HIVEP1: variants seen among roughly 807,000 people sequenced by gnomAD.
HIVEP1 encodes the protein zinc finger protein 40.
In HIVEP1, 36 loss-of-function variants were observed where a neutral mutation model predicts 180.0. That is an observed-to-expected ratio of 0.20 (90% CI 0.15 to 0.26). The LOEUF (loss-of-function observed/expected upper bound fraction) is 0.26. HIVEP1 is among the 10% of genes least tolerant of loss of function. The pLI is 1.00. For missense variants in HIVEP1, 3,143 were observed against 3,268.7 expected (o/e 0.96, Z 0.94); for synonymous variants, 1,239 against 1,239.0 (o/e 1.00, Z 0.00).
chr6:12,079,979 T>TCTATCTATCTATCTA (rs74285815), intron 2 of HIVEP1, among the ~76,000 whole-genome samples: 1 of 151,600 alleles, frequency 6.6e-6, no homozygotes, highest in Non-Finnish European at 1.5e-5. Context: ...TATCTATCTA[T>TCTATCTATCTATCTA]ATCTGGTCTT....
At chr6:12,045,005 T>C (rs1292194799) in intron 2 of HIVEP1, among the ~76,000 whole-genome samples, 1 of 152,252 alleles carries the variant, frequency 6.6e-6, no homozygotes, top group Non-Finnish European at 1.5e-5. Context: ...TTAAGAAGGT[T>C]CATGTTTATT....
chr6:12,018,060 G>A (rs1331225086), intron 2 of HIVEP1, among the ~76,000 whole-genome samples: 1 of 152,224 alleles, frequency 6.6e-6, no homozygotes, highest in East Asian at 1.9e-4. Flanking sequence ...CCTGAGCCCT[G>A]CCCCACGGGG....
At chr6:12,091,628 G>C (rs1773480703) in intron 3 of HIVEP1, among the ~76,000 whole-genome samples, 2 of 152,102 alleles carry the variant, frequency 1.3e-5, no homozygotes, top group South Asian at 4.1e-4. Flanking sequence ...AACTGACTTT[G>C]CCTATCATAC....
At position 12,124,526 on chromosome 6, in the gene HIVEP1, T is replaced by C. The variant is rs1757928186; in HGVS notation, c.4731T>C (p.Pro1577=). Residue 1577 remains proline (P), a synonymous_variant, in exon 4 of 9, where the codon CCT becomes CCC. Transcript: ENST00000379388. The part of the protein sequence containing the change: ...FTSGPSCSSN[P]VHSLPNQVIS... ...CAGGCCCATCTTGCTCTTCTAATCC[T>C]GTGCATTCTTTGCCAAATCAAGTTA... 1 of 1,614,188 alleles carries C rather than the reference T, an allele frequency of 6.2e-7. No individual in the cohort carries two copies. The highest frequency in any genetic ancestry group is 1.1e-5 in the South Asian group (1 of 91,078).
chr6:12,184,726 A>G, the HIVEP1 span, among the ~76,000 whole-genome samples: 3 of 152,202 alleles, frequency 2.0e-5, no homozygotes, highest in African/African-American at 7.2e-5. Context: ...ATCACTTCAT[A>G]TCATACATTT....
At position 12,122,007 on chromosome 6, in the gene HIVEP1, C is replaced by G; in HGVS notation, c.2212C>G (p.Pro738Ala). The part of the protein sequence containing the change: ...ALLLPGQMRP[P>A]LATKTLEERI... ...GCTTTTACCAGGTCAGATGCGCCCACCTTTGGCCACAAAAACACTTGAGGA... is the reference window on the plus strand; with the variant it reads ...GCTTTTACCAGGTCAGATGCGCCCAGCTTTGGCCACAAAAACACTTGAGGA... Residue 738 changes from proline to alanine, a missense_variant, in exon 4 of 9, where the codon CCT (proline) becomes GCT (alanine). Transcript: ENST00000379388. 1 of 1,614,182 alleles carries G rather than the reference C, an allele frequency of 6.2e-7. No homozygotes were observed. Among genetic ancestry groups the G allele is most frequent in the Non-Finnish European group, 8.5e-7 (1 of 1,180,028 alleles).
chr6:12,013,821 CAT>C (rs1491497952), intron 1 of HIVEP1, among the ~76,000 whole-genome samples: 3 of 93,966 alleles, frequency 3.2e-5, no homozygotes, highest in South Asian at 6.3e-4. Context: ...CTTAGACCAT[CAT>C]TTTTTTTTGT....
At chr6:12,083,062 GT>G (rs1367762779) in intron 2 of HIVEP1, among the ~76,000 whole-genome samples, 1 of 151,970 alleles carries the variant, frequency 6.6e-6, no homozygotes, top group Admixed American at 6.6e-5. Context: ...AATATAAATG[GT>G]AAAATGAAAA....
intron 3 of HIVEP1, among the ~76,000 whole-genome samples, chr6:12,117,905 G>C (rs9470959): frequency 1.3e-5 from 2 of 152,160 alleles, no homozygotes; most frequent in Non-Finnish European, 2.9e-5. Flanking sequence ...AGGTTGATGA[G>C]CATCATTTTT....
chr6:12,042,382 CTTT>C (rs11317475), intron 2 of HIVEP1, among the ~76,000 whole-genome samples: 3 of 133,416 alleles, frequency 2.2e-5, no homozygotes, highest in Admixed American at 7.4e-5. Context: ...CACCCGGCCG[CTTT>C]TTTTTTTTTT....
chr6:12,062,461 TA>T (rs1771301406), intron 2 of HIVEP1, among the ~76,000 whole-genome samples: 1 of 152,214 alleles, frequency 6.6e-6, no homozygotes, highest in Non-Finnish European at 1.5e-5. Flanking sequence ...TTATTTTTCT[TA>T]ATTTTTAAAT....
chr6:12,158,703 G>T, intron 7 of HIVEP1, among the ~76,000 whole-genome samples: 1 of 152,104 alleles, frequency 6.6e-6, no homozygotes, highest in Non-Finnish European at 1.5e-5. Flanking sequence ...CCCTCCCCAA[G>T]GAGACAGGTT....
chr6:12,111,847 A>T (rs1327163476), intron 3 of HIVEP1, among the ~76,000 whole-genome samples: 1 of 152,238 alleles, frequency 6.6e-6, no homozygotes, highest in Non-Finnish European at 1.5e-5. Context: ...CCTTTGCCAC[A>T]TTCAGAAACA....
chr6:12,032,329 AGACAGG>A (rs1769010887), intron 2 of HIVEP1, among the ~76,000 whole-genome samples: 1 of 151,684 alleles, frequency 6.6e-6, no homozygotes, highest in East Asian at 1.9e-4. Flanking sequence ...TTTTTAGTAG[AGACAGG>A]GTTTCACTGT....
chr6:12,166,281 A>G (rs1393756104), downstream of HIVEP1, among the ~76,000 whole-genome samples: 7 of 152,208 alleles, frequency 4.6e-5, 1 homozygote, highest in Admixed American at 2.6e-4. Flanking sequence ...AAATTCAAAA[A>G]TAATGCTTGG....
intron 2 of HIVEP1, among the ~76,000 whole-genome samples, chr6:12,068,699 A>G (rs940037840): frequency 4.6e-5 from 7 of 152,204 alleles, no homozygotes; most frequent in Admixed American, 4.6e-4. Flanking sequence ...ATAAGCAAGC[A>G]GGCACTTATA....
chr6:12,131,579 C>G (rs1026164684), intron 6 of HIVEP1, among the ~76,000 whole-genome samples: 1 of 151,488 alleles, frequency 6.6e-6, no homozygotes, highest in Non-Finnish European at 1.5e-5. Context: ...ATAAGCCTCA[C>G]TCATAGTTAA....
At chr6:12,057,526 A>T (rs1217459277) in intron 2 of HIVEP1, among the ~76,000 whole-genome samples, 1 of 152,248 alleles carries the variant, frequency 6.6e-6, no homozygotes, top group Non-Finnish European at 1.5e-5. Context: ...GCAATCTCAG[A>T]AATAAGAGGA....
the HIVEP1 span, among the ~76,000 whole-genome samples, chr6:12,196,314 T>TCAATGGAATTCCAATTAA: frequency 6.6e-6 from 1 of 152,212 alleles, no homozygotes; most frequent in Non-Finnish European, 1.5e-5. Flanking sequence ...CAATAAGAGG[T>TCAATGGAATTCCAATTAA]ATGTTCTATT....
Sources: gnomAD v4.1 joint callset for allele counts (sites outside exome capture counted in the v4.1 genomes callset) on GRCh38, gnomAD v4.1.1 for gene constraint, MANE v1.5 for transcripts, NCBI Gene and HGNC (gene_info 2026-07-23, HGNC 2026-07-21) for gene names.